Variants in ZSWIM7 observed in about 807,000 individuals in gnomAD.
ZSWIM7 encodes the protein zinc finger SWIM domain-containing protein 7.
In ZSWIM7, 22 loss-of-function variants were observed where a neutral mutation model predicts 21.1. The ratio of observed to expected loss-of-function variants is 1.04; its 90% CI spans 0.74 to 1.49. The LOEUF is 1.49. Ranked by LOEUF, ZSWIM7 falls within the 40% of genes most tolerant of loss-of-function variation. The pLI is 0.00. For synonymous variants in ZSWIM7, 67 were observed against 66.5 expected (o/e 1.01, Z -0.04); for missense variants, 193 against 168.0 (o/e 1.15, Z -0.82).
Position 15,978,182 on chromosome 17 carries a change from A to G in ZSWIM7, c.307-19T>C. ...GCTTGCACTGGAATATAAAACACACACACCTATTAGAAACAGGCAGGGCCA... is the reference window on the plus strand; with the variant it reads ...GCTTGCACTGGAATATAAAACACACGCACCTATTAGAAACAGGCAGGGCCA... On this transcript the variant is annotated intron_variant, in intron 4 of 4. Transcript: ENST00000399277. The G allele has an allele frequency of 6.3e-7, 1 of 1,589,512 alleles. No homozygotes were observed. Among genetic ancestry groups the G allele is most frequent in the African/African-American group, 1.3e-5 (1 of 74,526 alleles).
intron 4 of ZSWIM7, among the ~76,000 whole-genome samples, chr17:15,979,806 A>C (rs1349754192): frequency 1.0e-5 from 1 of 100,316 alleles, no homozygotes; most frequent in Non-Finnish European, 2.0e-5. Context: ...TGACCCCCCC[A>C]CCTCCCTCCC....
chr17:15,991,615 C>G (rs2151628519), intron 2 of ZSWIM7, among the ~76,000 whole-genome samples: 1 of 152,254 alleles, frequency 6.6e-6, no homozygotes, highest in East Asian at 1.9e-4. Flanking sequence ...CTATTTACAT[C>G]TTTTATTCTT....
intron 4 of ZSWIM7, among the ~76,000 whole-genome samples, chr17:15,979,954 G>A: frequency 7.5e-6 from 1 of 134,226 alleles, no homozygotes; most frequent in African/African-American, 2.9e-5. Context: ...GCCGGGCAGA[G>A]GGGCTCCTCA....
chr17:15,990,784 T>C (rs1419701259), intron 2 of ZSWIM7: 1 of 152,192 alleles, frequency 6.6e-6, no homozygotes, highest in Non-Finnish European at 1.5e-5. Context: ...CATATGAAGA[T>C]TTAGTCTATA....
At chr17:15,982,330 T>C (rs796105474) in intron 3 of ZSWIM7, among the ~76,000 whole-genome samples, 11 of 152,320 alleles carry the variant, frequency 7.2e-5, no homozygotes, top group African/African-American at 2.4e-4. Flanking sequence ...GTAAGATTAT[T>C]ATTAGTATCT....
chr17:15,979,737 G>C (rs1426282461), intron 4 of ZSWIM7, among the ~76,000 whole-genome samples: 1 of 143,524 alleles, frequency 7.0e-6, no homozygotes, highest in Non-Finnish European at 1.5e-5. Context: ...TCCCAGTAGG[G>C]GCGGCTGGGC....
At chr17:15,995,138 GA>G (rs532529001) in intron 1 of ZSWIM7, among the ~76,000 whole-genome samples, 13 of 152,158 alleles carry the variant, frequency 8.5e-5, no homozygotes, top group Middle Eastern at 3.4e-3. Flanking sequence ...GGAATCTTCT[GA>G]AAAAAAGTTA....
At chr17:15,978,330 G>A (rs1970304583) in intron 4 of ZSWIM7, among the ~76,000 whole-genome samples, 167 bp from the exon 5 acceptor site, 1 of 152,180 alleles carries the variant, frequency 6.6e-6, no homozygotes, top group South Asian at 2.1e-4. Flanking sequence ...GGGCATGGTG[G>A]CTCACACCTG....
intron 3 of ZSWIM7, among the ~76,000 whole-genome samples, chr17:15,984,785 T>G (rs1970390942): frequency 6.6e-6 from 1 of 152,260 alleles, no homozygotes; most frequent in Non-Finnish European, 1.5e-5. Context: ...GTTTTCCTTT[T>G]TCTCTTTGAG....
intron 2 of ZSWIM7, among the ~76,000 whole-genome samples, chr17:15,993,101 C>G (rs1244527795): frequency 6.6e-6 from 1 of 152,024 alleles, no homozygotes; most frequent in Non-Finnish European, 1.5e-5. Context: ...TGGTCTTGAA[C>G]TCCTGACCTC....
At chr17:15,997,759 C>T (rs1271491176) in intron 1 of ZSWIM7, among the ~76,000 whole-genome samples, 1 of 152,146 alleles carries the variant, frequency 6.6e-6, no homozygotes, top group East Asian at 1.9e-4. Context: ...ATGATTATGC[C>T]CCCTTCAGGA....
intron 3 of ZSWIM7, among the ~76,000 whole-genome samples, chr17:15,981,990 A>G (rs749123075): frequency 1.3e-5 from 2 of 152,180 alleles, no homozygotes; most frequent in African/African-American, 2.4e-5. Context: ...AGCAGAGAGA[A>G]TAAATAAAGC....
At chr17:15,979,147 GTTTGT>G (rs1970314610) in intron 4 of ZSWIM7, among the ~76,000 whole-genome samples, 1 of 151,538 alleles carries the variant, frequency 6.6e-6, no homozygotes, top group Non-Finnish European at 1.5e-5. Flanking sequence ...CTTCCGCAGT[GTTTGT>G]GTCCCTGGGT....
At chr17:15,980,930 T>C in intron 4 of ZSWIM7, 110 bp downstream of exon 4, 1 of 734,194 alleles carries the variant, frequency 1.4e-6, no homozygotes, top group East Asian at 2.8e-5. Flanking sequence ...AAACTACCAT[T>C]TGTTTCAACA....
chr17:15,978,590 T>C (rs767703324), intron 4 of ZSWIM7, among the ~76,000 whole-genome samples: 1 of 152,204 alleles, frequency 6.6e-6, no homozygotes, highest in Non-Finnish European at 1.5e-5. Context: ...AGAGCCAGAC[T>C]GTCTCAAAAA....
chr17:15,981,021 G>A lies in ZSWIM7; in HGVS notation c.306+19C>T, dbSNP rs535793813. 4.4e-6 allele frequency: 7 copies of A among 1,585,174 alleles called. No individual in the cohort carries two copies. In the South Asian group the frequency reaches 7.8e-5, roughly 18 times the overall value. The stretch of plus-strand genomic sequence containing the variant: ...TCTCTACATTCAACTACAGTGGGAA[G>A]AGTCTTCCCCATCCTCACCAGGATG... On this transcript the variant is annotated intron_variant, in intron 4 of 4. Transcript: ENST00000399277.
At chr17:15,991,928 G>GTTTTTTTTTT (rs202107218) in intron 2 of ZSWIM7, among the ~76,000 whole-genome samples, 1 of 125,594 alleles carries the variant, frequency 8.0e-6, no homozygotes, top group African/African-American at 3.2e-5. Context: ...GTTTTGTTTT[G>GTTTTTTTTTT]TTTTGTTTTT....
rs556890310 is a variant in ZSWIM7 at position 15,979,753 on chromosome 17, C to T, written c.306+1287G>A. On this transcript the variant is annotated intron_variant, in intron 4 of 4. Transcript: ENST00000399277. ...CCCAGTAGGGGCGGCTGGGCAGAGG[C>T]GCCCCTCACCTCCCGGATGGGGCGG... is the stretch of plus-strand genomic sequence containing the variant. Among the ~76,000 whole-genome samples, 21 of 135,586 alleles carry T rather than the reference C, an allele frequency of 1.5e-4. 1 individual carries two copies. The South Asian group carries it at 2.4e-3, about 16-fold the overall frequency. 88.9% of individuals were successfully genotyped at this position (135,586 alleles called of 152,430 possible).
intron 2 of ZSWIM7, among the ~76,000 whole-genome samples, chr17:15,991,797 T>C (rs1398969557): frequency 6.6e-6 from 1 of 152,228 alleles, no homozygotes; most frequent in Non-Finnish European, 1.5e-5. Context: ...CTTTTATTTT[T>C]TTAGAGACAA....
Sources: gnomAD v4.1 joint callset for allele counts (sites outside exome capture counted in the v4.1 genomes callset) on GRCh38, gnomAD v4.1.1 for gene constraint, MANE v1.5 for transcripts, NCBI Gene and HGNC (gene_info 2026-07-23, HGNC 2026-07-21) for gene names.